PTPRR: variants seen among roughly 807,000 people sequenced by gnomAD.
The protein encoded by PTPRR is receptor-type tyrosine-protein phosphatase R.
Under a neutral mutation model 77.2 loss-of-function variants are expected in PTPRR, and 38 were observed. The observed-to-expected ratio is 0.49, with a 90% confidence interval of 0.38 to 0.65. The LOEUF (loss-of-function observed/expected upper bound fraction) is 0.65. Ranked by LOEUF, PTPRR falls within the 30% of genes least tolerant of loss-of-function variation. The pLI, the probability that PTPRR is intolerant of heterozygous loss-of-function variation, is 0.00. For missense variants in PTPRR, 744 were observed against 799.2 expected (o/e 0.93, Z 0.83); for synonymous variants, 299 against 283.1 (o/e 1.06, Z -0.57).
At chr12:70,778,348 T>C (rs1891133648) in intron 2 of PTPRR, among the ~76,000 whole-genome samples, 1 of 152,194 alleles carries the variant, frequency 6.6e-6, no homozygotes, top group South Asian at 2.1e-4. Context: ...TCTTTAAAGT[T>C]AGAAAACTTC....
At chr12:70,913,542 T>TA (rs542078121) in intron 1 of PTPRR, among the ~76,000 whole-genome samples, 71 of 149,962 alleles carry the variant, frequency 4.7e-4, no homozygotes, top group East Asian at 1.6e-3. Context: ...CTCTTTAAAG[T>TA]AAAAAAAAAA....
intron 2 of PTPRR, among the ~76,000 whole-genome samples, chr12:70,881,892 TAAGGA>T (rs1893155145): frequency 6.6e-6 from 1 of 152,158 alleles, no homozygotes; most frequent in African/African-American, 2.4e-5. Context: ...AAGATAAGCG[TAAGGA>T]AAGGATATTT....
chr12:70,782,428 T>C (rs1891222583), intron 2 of PTPRR, among the ~76,000 whole-genome samples: 2 of 152,088 alleles, frequency 1.3e-5, no homozygotes, highest in African/African-American at 4.8e-5. Flanking sequence ...AGCAAAGACT[T>C]GGAACCAAGC....
chr12:70,836,992 T>C (rs1454004519), intron 2 of PTPRR, among the ~76,000 whole-genome samples: 1 of 152,108 alleles, frequency 6.6e-6, no homozygotes, highest in Non-Finnish European at 1.5e-5. Context: ...AAAAATTATC[T>C]TATTTAAAAT....
At chr12:70,828,931 T>G (rs750985780) in intron 2 of PTPRR, among the ~76,000 whole-genome samples, 13 of 152,230 alleles carry the variant, frequency 8.5e-5, no homozygotes, top group Non-Finnish European at 1.8e-4. Flanking sequence ...CTGCAAACCT[T>G]CTATATTCCA....
At chr12:70,848,396 C>T (rs933595465) in intron 2 of PTPRR, among the ~76,000 whole-genome samples, 4 of 152,082 alleles carry the variant, frequency 2.6e-5, no homozygotes, top group Admixed American at 1.3e-4. Flanking sequence ...TAGTGGATCT[C>T]GGCTCACTGT....
intron 2 of PTPRR, among the ~76,000 whole-genome samples, chr12:70,803,530 T>C (rs1891654126): frequency 6.6e-6 from 1 of 152,146 alleles, no homozygotes. Flanking sequence ...AAAAGATCAG[T>C]TGGAAGATCT....
At chr12:70,749,142 T>C (rs1465209629) in intron 5 of PTPRR, among the ~76,000 whole-genome samples, 1 of 151,976 alleles carries the variant, frequency 6.6e-6, no homozygotes, top group East Asian at 1.9e-4. Flanking sequence ...CAAGACAGAG[T>C]GATAAGACTA....
intron 13 of PTPRR, among the ~76,000 whole-genome samples, chr12:70,654,639 T>A (rs907854576): frequency 1.9e-4 from 29 of 152,258 alleles, no homozygotes; most frequent in African/African-American, 7.0e-4. Context: ...CTTTGTTTTA[T>A]TACTTCACAG....
chr12:70,808,963 G>T (rs1392936306), intron 2 of PTPRR, among the ~76,000 whole-genome samples: 1 of 152,098 alleles, frequency 6.6e-6, no homozygotes, highest in African/African-American at 2.4e-5. Context: ...CTTTCTGTTT[G>T]ATTTAGTTGT....
intron 2 of PTPRR, among the ~76,000 whole-genome samples, chr12:70,849,113 T>C (rs1892532549): frequency 6.6e-6 from 1 of 152,194 alleles, no homozygotes; most frequent in Admixed American, 6.5e-5. Flanking sequence ...GAAGAAAAGA[T>C]GTAGGTAGAA....
At chr12:70,730,400 A>G (rs1363368115) in intron 6 of PTPRR, among the ~76,000 whole-genome samples, 2 of 152,136 alleles carry the variant, frequency 1.3e-5, no homozygotes, top group African/African-American at 4.8e-5. Context: ...AACCCCAGCT[A>G]CTTGGGAGAC....
At chr12:70,761,226 T>G (rs1232731488) in intron 4 of PTPRR, among the ~76,000 whole-genome samples, 1 of 152,194 alleles carries the variant, frequency 6.6e-6, no homozygotes, top group Non-Finnish European at 1.5e-5. Context: ...TCAAAATAAG[T>G]TATAAGGCCA....
chr12:70,727,122 G>A (rs1236176931), intron 6 of PTPRR, among the ~76,000 whole-genome samples: 1 of 152,018 alleles, frequency 6.6e-6, no homozygotes, highest in Admixed American at 6.6e-5. Flanking sequence ...TCGGTATCGT[G>A]GAAGAAGAAA....
intron 2 of PTPRR, among the ~76,000 whole-genome samples, chr12:70,857,686 G>A (rs770539799): frequency 1.3e-5 from 2 of 152,058 alleles, no homozygotes; most frequent in African/African-American, 4.8e-5. Flanking sequence ...AATATGGTTG[G>A]CTGCTTGTAA....
chr12:70,750,314 G>T (rs976043453), intron 5 of PTPRR, among the ~76,000 whole-genome samples: 2 of 152,076 alleles, frequency 1.3e-5, no homozygotes, highest in African/African-American at 4.8e-5. Flanking sequence ...CGGCATGTAG[G>T]AATGCCAATG....
intron 2 of PTPRR, among the ~76,000 whole-genome samples, chr12:70,808,926 G>T (rs569677542): frequency 5.3e-5 from 8 of 152,190 alleles, no homozygotes; most frequent in Non-Finnish European, 1.2e-4. Flanking sequence ...ATCAGAAATT[G>T]CTCTTTTCCT....
intron 2 of PTPRR, among the ~76,000 whole-genome samples, chr12:70,833,752 C>T (rs1003112022): frequency 4.6e-5 from 7 of 152,138 alleles, no homozygotes; most frequent in Admixed American, 2.0e-4. Context: ...TGATGAAAGA[C>T]TCCTGGTGGA....
At chr12:70,751,997 C>T (rs1197386621) in intron 5 of PTPRR, among the ~76,000 whole-genome samples, 5 of 152,172 alleles carry the variant, frequency 3.3e-5, no homozygotes, top group South Asian at 4.1e-4. Flanking sequence ...CCTACCTAAT[C>T]GTTCCCTTTC....
Sources: allele counts gnomAD v4.1 joint callset (sites outside exome capture counted in the v4.1 genomes callset), GRCh38; gene constraint gnomAD v4.1.1; transcripts MANE v1.5; gene names NCBI Gene and HGNC (gene_info 2026-07-23, HGNC 2026-07-21).